ALK: variants seen among roughly 807,000 people sequenced by gnomAD.
ALK encodes the protein ALK receptor tyrosine kinase.
ALK carries 74 observed loss-of-function variants against 163.1 expected under a neutral mutation model. That is an observed-to-expected ratio of 0.45 (90% confidence interval 0.38 to 0.55). The LOEUF (loss-of-function observed/expected upper bound fraction) is 0.55, where lower values mean the gene tolerates loss of function less well. ALK is among the 20% of genes least tolerant of loss of function. The probability of loss-of-function intolerance (pLI) is 0.00; values close to 1 mark genes in which losing one functional copy is unlikely to be tolerated. For synonymous variants in ALK, 960 were observed against 843.2 expected, an observed-to-expected ratio of 1.14 and a Z score of -2.40; for missense variants, 2,063 against 2,105.3, an observed-to-expected ratio of 0.98 and a Z score of 0.39.
intron 3 of ALK, among the ~76,000 whole-genome samples, chr2:29,618,042 C>A (rs565713195): frequency 6.6e-6 from 1 of 152,306 alleles, no homozygotes; most frequent in East Asian, 1.9e-4. Context: ...GCACATCCCT[C>A]CGTAGCTTTC....
chr2:29,384,934 C>T (rs911487797), intron 4 of ALK, among the ~76,000 whole-genome samples: 2 of 151,974 alleles, frequency 1.3e-5, no homozygotes, highest in African/African-American at 4.8e-5. Flanking sequence ...ACCTGAGGTC[C>T]CAGCTACTAG....
At chr2:29,827,054 G>A (rs555922548) in intron 1 of ALK, among the ~76,000 whole-genome samples, 67 of 152,268 alleles carry the variant, frequency 4.4e-4, no homozygotes, top group African/African-American at 1.5e-3. Flanking sequence ...CAGAGATATC[G>A]GTCTCAATCT....
intron 11 of ALK, among the ~76,000 whole-genome samples, chr2:29,264,816 G>A (rs989770654): frequency 6.6e-6 from 1 of 152,192 alleles, no homozygotes; most frequent in African/African-American, 2.4e-5. Context: ...ACAAACCAGA[G>A]TGGTTTTGTT....
At chr2:29,344,400 C>T (rs1667887624) in intron 5 of ALK, among the ~76,000 whole-genome samples, 1 of 152,164 alleles carries the variant, frequency 6.6e-6, no homozygotes, top group African/African-American at 2.4e-5. Context: ...TGTGCAGCGT[C>T]CTCCTTGGTC....
chr2:29,550,781 A>G (rs1276232032), intron 3 of ALK, among the ~76,000 whole-genome samples: 3 of 152,190 alleles, frequency 2.0e-5, no homozygotes, highest in Non-Finnish European at 4.4e-5. Flanking sequence ...ATGGTAAGAA[A>G]AAATTTATCT....
intron 3 of ALK, among the ~76,000 whole-genome samples, chr2:29,548,231 T>A (rs989555057): frequency 6.6e-6 from 1 of 152,128 alleles, no homozygotes; most frequent in East Asian, 1.9e-4. Flanking sequence ...CCCAGCACTT[T>A]GGGAGGCCAA....
At chr2:29,609,885 T>C (rs891478342) in intron 3 of ALK, among the ~76,000 whole-genome samples, 1 of 152,074 alleles carries the variant, frequency 6.6e-6, no homozygotes, top group African/African-American at 2.4e-5. Context: ...CAAGTGACCT[T>C]CCCAATGCAG....
At chr2:29,577,758 G>C (rs569008331) in intron 3 of ALK, among the ~76,000 whole-genome samples, 1 of 152,328 alleles carries the variant, frequency 6.6e-6, no homozygotes, top group East Asian at 1.9e-4. Flanking sequence ...GCACATGCTT[G>C]GTGAATCTCT....
intron 1 of ALK, among the ~76,000 whole-genome samples, chr2:29,786,435 A>G (rs890463792): frequency 1.3e-5 from 2 of 152,346 alleles, no homozygotes; most frequent in African/African-American, 4.8e-5. Flanking sequence ...TTGCACTTGA[A>G]CAAATAACTT....
intron 3 of ALK, among the ~76,000 whole-genome samples, chr2:29,637,265 T>A (rs1215969803): frequency 2.0e-5 from 3 of 152,006 alleles, no homozygotes; most frequent in Admixed American, 6.6e-5. Context: ...AAGAAAAAAA[T>A]TATTCATACG....
chr2:29,512,654 T>C (rs1672554998), intron 4 of ALK, among the ~76,000 whole-genome samples: 2 of 149,870 alleles, frequency 1.3e-5, no homozygotes, highest in Admixed American at 1.3e-4. Context: ...CCAGGGCAAT[T>C]AGGCAGGTGA....
intron 5 of ALK, among the ~76,000 whole-genome samples, chr2:29,341,919 G>C (rs1422655727): frequency 2.0e-5 from 3 of 152,068 alleles, no homozygotes; most frequent in Non-Finnish European, 2.9e-5. Context: ...CTCATGTGAG[G>C]GTCTGAACTT....
chr2:29,534,762 T>C (rs1673209108), intron 3 of ALK, among the ~76,000 whole-genome samples: 1 of 152,252 alleles, frequency 6.6e-6, no homozygotes, highest in African/African-American at 2.4e-5. Context: ...TCTGTGTCAC[T>C]GCTCCTCTCC....
intron 11 of ALK, among the ~76,000 whole-genome samples, chr2:29,271,069 A>G (rs976003540): frequency 2.0e-5 from 3 of 152,114 alleles, no homozygotes; most frequent in Non-Finnish European, 4.4e-5. Context: ...GGCCTCCTCT[A>G]TTGGGGTGTG....
intron 15 of ALK, among the ~76,000 whole-genome samples, chr2:29,230,104 C>T (rs1298299933): frequency 6.6e-6 from 1 of 152,110 alleles, no homozygotes; most frequent in Non-Finnish European, 1.5e-5. Context: ...GTGGAGGTTC[C>T]AGGATCCCTC....
intron 3 of ALK, among the ~76,000 whole-genome samples, chr2:29,679,188 G>A (rs1256098878): frequency 6.6e-6 from 1 of 151,604 alleles, no homozygotes; most frequent in African/African-American, 2.4e-5. Context: ...CTTTCTTTTG[G>A]TTAATTGTTT....
rs1393921001 is a variant in ALK, at chr2:29,320,847, C to A, written c.1450G>T (p.Asp484Tyr). 1 of 1,614,194 alleles carries A rather than the reference C, an allele frequency of 6.2e-7. No homozygotes were observed. Among genetic ancestry groups the A allele is most frequent in the Admixed American group, 1.7e-5 (1 of 60,034 alleles). ...CCTTGGGTCCAGCCACAGAAGCCAT[C>A]TTCAAAGTTGCAGTAAAAACCCACA... The part of the protein sequence containing the change: ...LPVGFYCNFE[D>Y]GFCGWTQGTL... The change falls in exon 7 of 29, where the codon GAT becomes TAT. Residue 484 changes from aspartate to tyrosine, a missense_variant. Coordinates refer to ENST00000389048, the MANE Select transcript of ALK (RefSeq NM_004304.5).
intron 1 of ALK, among the ~76,000 whole-genome samples, chr2:29,885,196 CTTG>C (rs1666956444): frequency 6.6e-6 from 1 of 152,156 alleles, no homozygotes. Flanking sequence ...GATAATGCCC[CTTG>C]TTGCCCAGAA....
intron 1 of ALK, among the ~76,000 whole-genome samples, chr2:29,740,299 T>C (rs1680016872): frequency 6.7e-6 from 1 of 150,228 alleles, no homozygotes; most frequent in African/African-American, 2.5e-5. Flanking sequence ...ATTTATTCAA[T>C]GAAAAAAAGG....
Sources: gnomAD v4.1 joint callset for allele counts (sites outside exome capture counted in the v4.1 genomes callset) on GRCh38, gnomAD v4.1.1 for gene constraint, MANE v1.5 for transcripts, NCBI Gene and HGNC (gene_info 2026-07-23, HGNC 2026-07-21) for gene names.